Variants in CAMK2D observed in about 807,000 individuals in gnomAD.
CAMK2D encodes calcium/calmodulin-dependent protein kinase type II subunit delta.
Under a neutral mutation model 84.0 loss-of-function variants are expected in CAMK2D, and 37 were observed. The ratio of observed to expected loss-of-function variants is 0.44; its 90% CI spans 0.34 to 0.58. The LOEUF (loss-of-function observed/expected upper bound fraction) is 0.58, where lower values mean the gene tolerates loss of function less well. Ranked by LOEUF, CAMK2D falls within the 20% of genes least tolerant of loss-of-function variation. The pLI is 0.02. For synonymous variants in CAMK2D, 202 were observed against 212.5 expected, an observed-to-expected ratio of 0.95 and a Z score of 0.43; for missense variants, 448 against 652.5, an observed-to-expected ratio of 0.69 and a Z score of 3.41.
chr4:113,686,268 TTTGTAGTAGTGTCTTCTACTATGG>T (rs2099359554), intron 2 of CAMK2D, among the ~76,000 whole-genome samples: 1 of 152,210 alleles, frequency 6.6e-6, no homozygotes. Context: ...CTTTACTATC[TTTGTAGTAGTGTCTTCTACTATGG>T]TTGTAGTAGT....
chr4:113,699,122 G>C (rs2099411115), intron 2 of CAMK2D, among the ~76,000 whole-genome samples: 1 of 152,052 alleles, frequency 6.6e-6, no homozygotes. Flanking sequence ...ACTGGCAAAG[G>C]CAGCTAAAAG....
At chr4:113,538,774 A>G (rs549266842) in intron 6 of CAMK2D, among the ~76,000 whole-genome samples, 1 of 152,284 alleles carries the variant, frequency 6.6e-6, no homozygotes, top group South Asian at 2.1e-4. Flanking sequence ...CCATAACCAG[A>G]ACTTGGAAGA....
chr4:113,723,720 A>G (rs2099538004), intron 2 of CAMK2D, among the ~76,000 whole-genome samples: 1 of 152,166 alleles, frequency 6.6e-6, no homozygotes, highest in African/African-American at 2.4e-5. Flanking sequence ...AATTATACCA[A>G]TTGAAATTAT....
intron 4 of CAMK2D, among the ~76,000 whole-genome samples, chr4:113,597,518 G>C (rs78543901): frequency 0.041 from 6,265 of 152,258 alleles, 355 homozygotes; most frequent in East Asian, 0.19. Flanking sequence ...ATTGAAGAAA[G>C]TTAGGGCTTT....
intron 2 of CAMK2D, among the ~76,000 whole-genome samples, chr4:113,672,983 T>TA (rs1405882617): frequency 2.6e-5 from 4 of 152,192 alleles, no homozygotes; most frequent in Non-Finnish European, 5.9e-5. Context: ...AATTATCAGA[T>TA]ACAGGTGCCA....
intron 4 of CAMK2D, among the ~76,000 whole-genome samples, chr4:113,585,783 C>T (rs2189208): frequency 0.7 from 106,440 of 151,560 alleles, 37,570 homozygotes; most frequent in Middle Eastern, 0.75. Context: ...AACTTTGTGC[C>T]AAAAAATAAA....
rs1246964158 is a variant in CAMK2D at position 113,713,557 on chromosome 4, A to G, written c.160+45763T>C. On this transcript the variant is annotated intron_variant, in intron 2 of 20. Coordinates refer to ENST00000511664, the MANE Select transcript of CAMK2D (RefSeq NM_001321571.2). ...ATAGTATTATTAATATGACTCTTTA[A>G]TAATAATATTGGCAGCCAGTAGCTG... Among the ~76,000 whole-genome samples, 8 of 148,808 alleles carry G rather than the reference A, an allele frequency of 5.4e-5. No individual in the cohort carries two copies. The East Asian group carries it at 1.4e-3, about 25-fold the overall frequency.
intron 8 of CAMK2D, among the ~76,000 whole-genome samples, chr4:113,522,508 C>T (rs886484541): frequency 1.8e-4 from 27 of 152,122 alleles, no homozygotes; most frequent in African/African-American, 5.6e-4. Context: ...AGATCAATGC[C>T]AGCAAGATAG....
intron 12 of CAMK2D, among the ~76,000 whole-genome samples, chr4:113,511,357 C>T (rs905166479): frequency 1.1e-4 from 16 of 152,032 alleles, no homozygotes; most frequent in Admixed American, 2.0e-4. Flanking sequence ...ATAAAATTCA[C>T]ATATTAGTCA....
intron 13 of CAMK2D, among the ~76,000 whole-genome samples, chr4:113,508,525 C>T (rs1416446513): frequency 6.6e-6 from 1 of 152,114 alleles, no homozygotes; most frequent in Non-Finnish European, 1.5e-5. Context: ...ATGTAAGATA[C>T]CACATTTCTA....
chr4:113,560,419 C>T (rs1306668758), intron 4 of CAMK2D, among the ~76,000 whole-genome samples: 7 of 151,984 alleles, frequency 4.6e-5, no homozygotes, highest in South Asian at 4.2e-4. Context: ...CATCTAGTCT[C>T]GTGGAGAAAA....
chr4:113,543,590 T>C (rs2098545997), intron 6 of CAMK2D, among the ~76,000 whole-genome samples: 1 of 152,054 alleles, frequency 6.6e-6, no homozygotes, highest in Admixed American at 6.5e-5. Flanking sequence ...GGTCTGTTCT[T>C]GTTTTGCTCA....
At chr4:113,490,655 G>T (rs561424250) in intron 16 of CAMK2D, among the ~76,000 whole-genome samples, 2 of 151,906 alleles carry the variant, frequency 1.3e-5, no homozygotes, top group South Asian at 4.2e-4. Flanking sequence ...GAACTTTAAA[G>T]TAGTTTTTTC....
At chr4:113,583,882 C>G (rs1456763768) in intron 4 of CAMK2D, among the ~76,000 whole-genome samples, 1 of 152,128 alleles carries the variant, frequency 6.6e-6, no homozygotes, top group African/African-American at 2.4e-5. Context: ...GTACTAGTGT[C>G]TCAGTGTTCA....
chr4:113,600,603 A>T (rs964597117), intron 4 of CAMK2D, among the ~76,000 whole-genome samples: 1 of 152,168 alleles, frequency 6.6e-6, no homozygotes, highest in Admixed American at 6.5e-5. Flanking sequence ...AGAAATCCAG[A>T]TCTGTATTAA....
intron 16 of CAMK2D, among the ~76,000 whole-genome samples, chr4:113,471,893 C>A (rs1472492868): frequency 6.6e-6 from 1 of 151,566 alleles, no homozygotes; most frequent in African/African-American, 2.4e-5. Context: ...TGCTTTATCT[C>A]TTGACACTTT....
intron 3 of CAMK2D, among the ~76,000 whole-genome samples, chr4:113,616,031 T>C (rs1271326357): frequency 1.3e-5 from 2 of 152,138 alleles, no homozygotes; most frequent in Non-Finnish European, 2.9e-5. Context: ...ACTCAAAAGT[T>C]AAAATTAATT....
At chr4:113,603,174 T>C (rs2098960449) in intron 4 of CAMK2D, among the ~76,000 whole-genome samples, 1 of 152,190 alleles carries the variant, frequency 6.6e-6, no homozygotes. Context: ...GGGCAGTTCA[T>C]TATTTGCTGT....
chr4:113,601,710 T>TC (rs2098953762), intron 4 of CAMK2D, among the ~76,000 whole-genome samples: 3 of 137,726 alleles, frequency 2.2e-5, no homozygotes, highest in Admixed American at 1.5e-4. Flanking sequence ...TTTTTTTTTT[T>TC]CATTTTTTAA....
Sources: gnomAD v4.1 joint callset for allele counts (sites outside exome capture counted in the v4.1 genomes callset) on GRCh38, gnomAD v4.1.1 for gene constraint, MANE v1.5 for transcripts, NCBI Gene and HGNC (gene_info 2026-07-23, HGNC 2026-07-21) for gene names.